Variants in FREM3 observed in about 807,000 individuals in gnomAD.
FREM3 encodes the protein FRAS1-related extracellular matrix protein 3.
Under a neutral mutation model 129.1 loss-of-function variants are expected in FREM3, and 105 were observed. The ratio of observed to expected loss-of-function variants is 0.81; its 90% CI spans 0.69 to 0.96. The LOEUF (loss-of-function observed/expected upper bound fraction) is 0.96. FREM3 is among the 40% of genes least tolerant of loss of function. FREM3 has a pLI of 0.00. For synonymous variants in FREM3, 1,014 were observed against 1,044.9 expected (o/e 0.97, Z 0.57); for missense variants, 2,593 against 2,666.3 (o/e 0.97, Z 0.61).
intron 6 of FREM3, among the ~76,000 whole-genome samples, chr4:143,588,844 G>C (rs1738297077): frequency 1.3e-5 from 2 of 150,078 alleles, no homozygotes; most frequent in Non-Finnish European, 3.0e-5. Flanking sequence ...GGTTGAACTA[G>C]TTTACAGTCC....
At chr4:143,600,963 CT>C (rs5862656) in intron 6 of FREM3, among the ~76,000 whole-genome samples, 56,991 of 138,930 alleles carry the variant, frequency 0.41, 10,983 homozygotes, top group Middle Eastern at 0.46. Context: ...TTTCTAAAGT[CT>C]TTTTTTTTTT....
chr4:143,592,752 A>G (rs923399393), intron 6 of FREM3, among the ~76,000 whole-genome samples: 1 of 152,016 alleles, frequency 6.6e-6, no homozygotes, highest in South Asian at 2.1e-4. Flanking sequence ...TATTTGTGGC[A>G]TTCTCTGTAT....
chr4:143,652,006 C>T (rs948422525), intron 2 of FREM3, among the ~76,000 whole-genome samples: 1 of 151,988 alleles, frequency 6.6e-6, no homozygotes, highest in Non-Finnish European at 1.5e-5. Flanking sequence ...TGCACAAGTC[C>T]CTAGCTGTGT....
At chr4:143,584,857 A>C (rs1307688503) in intron 7 of FREM3, among the ~76,000 whole-genome samples, 1 of 152,228 alleles carries the variant, frequency 6.6e-6, no homozygotes, top group Non-Finnish European at 1.5e-5. Flanking sequence ...CACGTACTCT[A>C]AAATCGACTA....
chr4:143,664,381 C>A (rs188434290), intron 2 of FREM3, among the ~76,000 whole-genome samples: 2 of 152,084 alleles, frequency 1.3e-5, no homozygotes, highest in African/African-American at 4.8e-5. Flanking sequence ...GTAGCAGCAG[C>A]GGTGTCTGCA....
intron 2 of FREM3, among the ~76,000 whole-genome samples, chr4:143,656,150 C>G (rs1326220543): frequency 2.6e-5 from 4 of 152,078 alleles, no homozygotes; most frequent in Non-Finnish European, 5.9e-5. Context: ...GATAAACACC[C>G]AAGCCTAAAC....
In FREM3 at chr4:143,652,115, T is replaced by TAACTC. The variant is rs60600162; in HGVS notation, c.5276-24356_5276-24355insGAGTT. Among the ~76,000 whole-genome samples, 30 of 39,032 alleles carry TAACTC rather than the reference T, an allele frequency of 7.7e-4. 9 individuals carry two copies. In the East Asian group the frequency reaches 0.012, roughly 16 times the overall value. The allele number at this position is 39,032 out of a possible 152,430, so 25.6% of individuals were successfully genotyped here. A position where few individuals can be genotyped will look rare whatever the true frequency, so the allele number is the denominator to read the frequency against. On this transcript the variant is annotated intron_variant, in intron 2 of 7. Transcript: ENST00000329798. ...TGCCCTAAATATATAAATTTAAAAA[T>TAACTC]AACTATTCATTCAAATGGTCTTTTT...
intron 5 of FREM3, among the ~76,000 whole-genome samples, chr4:143,614,032 A>G (rs974815212): frequency 6.6e-6 from 1 of 152,192 alleles, no homozygotes; most frequent in Non-Finnish European, 1.5e-5. Flanking sequence ...CATAGATATG[A>G]CATTCAAGTA....
At chr4:143,628,784 G>A (rs1739090323) in intron 2 of FREM3, among the ~76,000 whole-genome samples, 1 of 152,088 alleles carries the variant, frequency 6.6e-6, no homozygotes, top group South Asian at 2.1e-4. Flanking sequence ...CAGCCTACAG[G>A]GCTTCAGTGA....
chr4:143,605,805 T>G (rs1411915293), intron 6 of FREM3, among the ~76,000 whole-genome samples: 1 of 152,148 alleles, frequency 6.6e-6, no homozygotes, highest in Non-Finnish European at 1.5e-5. Context: ...GAGCAAAAAG[T>G]CTCCTTTTAT....
chr4:143,663,186 C>G (rs905232701), intron 2 of FREM3, among the ~76,000 whole-genome samples: 6 of 152,060 alleles, frequency 3.9e-5, no homozygotes, highest in African/African-American at 1.4e-4. Context: ...TCTTGATGGT[C>G]TTTACATTTT....
intron 6 of FREM3, among the ~76,000 whole-genome samples, chr4:143,603,963 A>C (rs976681790): frequency 9.2e-5 from 14 of 152,166 alleles, no homozygotes; most frequent in African/African-American, 3.4e-4. Flanking sequence ...CTCTTATTGA[A>C]ATGTGATCCC....
At chr4:143,661,079 G>A (rs1034329128) in intron 2 of FREM3, among the ~76,000 whole-genome samples, 33 of 152,124 alleles carry the variant, frequency 2.2e-4, no homozygotes, top group African/African-American at 5.8e-4. Flanking sequence ...CCTTTATTTC[G>A]TTCGCTGCCT....
chr4:143,591,423 G>T (rs1185802952), intron 6 of FREM3, among the ~76,000 whole-genome samples: 1 of 152,190 alleles, frequency 6.6e-6, no homozygotes, highest in Non-Finnish European at 1.5e-5. Flanking sequence ...GTGTCCCAGA[G>T]ATTCTGCTAT....
At chr4:143,675,049 A>G (rs1431642053) in intron 2 of FREM3, among the ~76,000 whole-genome samples, 1 of 152,234 alleles carries the variant, frequency 6.6e-6, no homozygotes, top group Non-Finnish European at 1.5e-5. Context: ...CCTAATAGAC[A>G]TCTACAGAAC....
intron 2 of FREM3, among the ~76,000 whole-genome samples, chr4:143,682,894 T>C (rs1740281312): frequency 6.6e-6 from 1 of 152,154 alleles, no homozygotes; most frequent in Non-Finnish European, 1.5e-5. Flanking sequence ...TCTTTTCAGA[T>C]GTGATTAAAT....
At chr4:143,651,814 A>C (rs1386409887) in intron 2 of FREM3, among the ~76,000 whole-genome samples, 1 of 152,254 alleles carries the variant, frequency 6.6e-6, no homozygotes, top group African/African-American at 2.4e-5. Flanking sequence ...GAAGGAGAGA[A>C]GGAAGTAAAG....
At chr4:143,612,156 A>G (rs988426686) in intron 5 of FREM3, among the ~76,000 whole-genome samples, 3 of 152,222 alleles carry the variant, frequency 2.0e-5, no homozygotes, top group African/African-American at 7.2e-5. Context: ...GTTTTGACAA[A>G]TGCATATAAT....
intron 2 of FREM3, among the ~76,000 whole-genome samples, chr4:143,633,999 G>A (rs778542460): frequency 3.7e-4 from 57 of 152,096 alleles, no homozygotes; most frequent in Non-Finnish European, 4.7e-4. Context: ...GAGAGTTATG[G>A]GGACTGTAAA....
Sources: allele counts gnomAD v4.1 joint callset (sites outside exome capture counted in the v4.1 genomes callset), GRCh38; gene constraint gnomAD v4.1.1; transcripts MANE v1.5; gene names NCBI Gene and HGNC (gene_info 2026-07-23, HGNC 2026-07-21).